WDR20: variants seen among roughly 807,000 people sequenced by gnomAD.
WDR20 encodes the protein WD repeat-containing protein 20.
A neutral mutation model predicts 38.7 loss-of-function variants in WDR20; 3 were observed. That is an observed-to-expected ratio of 0.08 (90% CI 0.04 to 0.20). WDR20 has a LOEUF of 0.20. Ranked by LOEUF, WDR20 falls within the 10% of genes least tolerant of loss-of-function variation. The pLI, the probability that WDR20 is intolerant of heterozygous loss-of-function variation, is 1.00. For synonymous variants in WDR20, 298 were observed against 285.6 expected (o/e 1.04, Z -0.44); for missense variants, 559 against 727.7 (o/e 0.77, Z 2.67).
chr14:102,203,729 A>G (rs889400820), intron 2 of WDR20, among the ~76,000 whole-genome samples: 94 of 152,252 alleles, frequency 6.2e-4, no homozygotes, highest in African/African-American at 2.0e-3. Flanking sequence ...GTATTTTTCA[A>G]CATCCTCATC....
intron 2 of WDR20, among the ~76,000 whole-genome samples, chr14:102,204,062 A>C (rs1274693571): frequency 6.6e-6 from 1 of 152,230 alleles, no homozygotes. Flanking sequence ...GGTCTGAGAC[A>C]GGCTGGTGCC....
intron 1 of WDR20, among the ~76,000 whole-genome samples, chr14:102,170,176 A>G (rs2060530417): frequency 6.6e-6 from 1 of 152,218 alleles, no homozygotes; most frequent in Non-Finnish European, 1.5e-5. Flanking sequence ...TAAAGACATT[A>G]TTGTGTAAAA....
chr14:102,178,463 A>G (rs1415991412), intron 1 of WDR20, among the ~76,000 whole-genome samples: 1 of 151,428 alleles, frequency 6.6e-6, no homozygotes, highest in East Asian at 1.9e-4. Context: ...GGAATGGACC[A>G]TGTTTGTGCA....
chr14:102,175,625 T>A (rs2061891390), intron 1 of WDR20, among the ~76,000 whole-genome samples: 2 of 152,158 alleles, frequency 1.3e-5, no homozygotes, highest in African/African-American at 4.8e-5. Flanking sequence ...TGCATTGAAT[T>A]TATAGATTGC....
intron 2 of WDR20, among the ~76,000 whole-genome samples, chr14:102,204,895 C>G (rs2061234494): frequency 6.6e-6 from 1 of 152,168 alleles, no homozygotes; most frequent in Non-Finnish European, 1.5e-5. Context: ...GTTGAATACT[C>G]TGCAGCTTTA....
At chr14:102,148,513 C>T (rs940058127) in intron 1 of WDR20, among the ~76,000 whole-genome samples, 26 of 149,428 alleles carry the variant, frequency 1.7e-4, no homozygotes, top group Admixed American at 4.1e-4. Context: ...GGACTCCAGC[C>T]TGGGTGACAG....
At chr14:102,188,566 T>G (rs1188393300) in intron 1 of WDR20, among the ~76,000 whole-genome samples, 1 of 152,128 alleles carries the variant, frequency 6.6e-6, no homozygotes, top group Non-Finnish European at 1.5e-5. Context: ...TTCAGTAGTA[T>G]TGTTCCAGAA....
At chr14:102,146,821 C>T (rs754317533) in intron 1 of WDR20, among the ~76,000 whole-genome samples, 4 of 152,236 alleles carry the variant, frequency 2.6e-5, no homozygotes, top group Middle Eastern at 3.4e-3. Flanking sequence ...TCCCTGGCTC[C>T]CCTTTTATAA....
intron 1 of WDR20, among the ~76,000 whole-genome samples, chr14:102,140,892 T>A (rs2050801665): frequency 6.6e-6 from 1 of 152,170 alleles, no homozygotes; most frequent in African/African-American, 2.4e-5. Flanking sequence ...TGAACTAAGC[T>A]GGTTCAGAGG....
chr14:102,161,762 CAGT>C (rs1195749347), intron 1 of WDR20, among the ~76,000 whole-genome samples: 4 of 152,068 alleles, frequency 2.6e-5, no homozygotes, highest in African/African-American at 4.8e-5. Context: ...GGTGGCAAAA[CAGT>C]GGTGGAAATG....
chr14:102,149,005 C>CA (rs931842766), intron 1 of WDR20, among the ~76,000 whole-genome samples: 15 of 152,096 alleles, frequency 9.9e-5, no homozygotes, highest in African/African-American at 2.9e-4. Context: ...ACTAAAAATA[C>CA]AAAAAAATTT....
chr14:102,141,932 T>C (rs1166276511), intron 1 of WDR20, among the ~76,000 whole-genome samples: 1 of 152,186 alleles, frequency 6.6e-6, no homozygotes, highest in African/African-American at 2.4e-5. Flanking sequence ...TTCTTTGAAA[T>C]GTTATGACTT....
chr14:102,205,265 A>C (rs78971515), intron 2 of WDR20, among the ~76,000 whole-genome samples: 1 of 152,024 alleles, frequency 6.6e-6, no homozygotes, highest in African/African-American at 2.4e-5. Flanking sequence ...TGTCTCAAAA[A>C]AAAAAAAAAG....
At chr14:102,185,814 C>CAA (rs11317533) in intron 1 of WDR20, among the ~76,000 whole-genome samples, 2 of 112,566 alleles carry the variant, frequency 1.8e-5, no homozygotes, top group South Asian at 2.8e-4. Context: ...GACTCCATCT[C>CAA]AAAAAAAAAA....
At chr14:102,205,691 C>T (rs148008620) in intron 2 of WDR20, among the ~76,000 whole-genome samples, 1,819 of 152,110 alleles carry the variant, frequency 0.012, 16 homozygotes, top group Middle Eastern at 0.041. Flanking sequence ...AGACACAGGG[C>T]GCCCCCAGAG....
chr14:102,172,561 C>G (rs1423264521), intron 1 of WDR20, among the ~76,000 whole-genome samples: 16 of 135,890 alleles, frequency 1.2e-4, no homozygotes, highest in East Asian at 2.2e-4. Flanking sequence ...CCCTCCCGGA[C>G]GGGGCGGCTG....
In WDR20 at chr14:102,209,655, G is replaced by A. The variant is rs776608929; in HGVS notation, c.1485G>A (p.Leu495=). The A allele has an allele frequency of 3.1e-6, 5 of 1,614,046 alleles. No homozygotes were observed. The African/African-American group carries it at 6.7e-5, about 22-fold the overall frequency. ...GHISSKSSDK[L]NLVTKTKTDP... ...TTTCTAGCAAGAGCAGTGACAAACTGAATCTAGTTACCAAAACCAAAACGG... is the reference window on the plus strand; with the variant it reads ...TTTCTAGCAAGAGCAGTGACAAACTAAATCTAGTTACCAAAACCAAAACGG... The change falls in exon 3 of 3, where the codon CTG becomes CTA. Residue 495 remains leucine, a synonymous_variant. Coordinates refer to ENST00000342702, the MANE Select transcript of WDR20 (RefSeq NM_144574.4). The surrounding 1 kb of genome is among the most constrained non-coding windows in gnomAD (Gnocchi z 6.0).
intron 1 of WDR20, among the ~76,000 whole-genome samples, chr14:102,147,471 A>G (rs1859739906): frequency 6.6e-6 from 1 of 152,242 alleles, no homozygotes; most frequent in Non-Finnish European, 1.5e-5. Flanking sequence ...ATAGTCATGA[A>G]TGCCATTCTT....
intron 1 of WDR20, among the ~76,000 whole-genome samples, chr14:102,169,688 C>T (rs926564698): frequency 2.6e-5 from 4 of 152,090 alleles, no homozygotes; most frequent in South Asian, 2.1e-4. Context: ...CCACTACACC[C>T]GGCTTATTTT....
Sources: gnomAD v4.1 joint callset for allele counts (sites outside exome capture counted in the v4.1 genomes callset) on GRCh38, gnomAD v4.1.1 for gene constraint, Gnocchi (gnomAD v3.1) non-coding constraint, MANE v1.5 for transcripts, NCBI Gene and HGNC (gene_info 2026-07-23, HGNC 2026-07-21) for gene names.